The following NBEA variants were observed in gnomAD, a reference collection of about 807,000 sequenced individuals.
NBEA encodes neurobeachin, also known as lysosomal-trafficking regulator 2.
Under a neutral mutation model 343.4 loss-of-function variants are expected in NBEA, and 44 were observed. That is an observed-to-expected ratio of 0.13 (90% CI 0.10 to 0.16). NBEA has a LOEUF of 0.16. Among genes scored for constraint, NBEA ranks in the 10% least tolerant of loss-of-function variants. NBEA has a pLI of 1.00. For synonymous variants in NBEA, 1,175 were observed against 1,238.7 expected (o/e 0.95, Z 1.08); for missense variants, 2,555 against 3,631.3 (o/e 0.70, Z 7.62).
Position 34,990,153 on chromosome 13 carries a change from G to A in NBEA, c.294+47039G>A, listed in dbSNP as rs561983965. The stretch of plus-strand genomic sequence containing the variant: ...CTTTTCTAGGCACATGGTGCAAGCC[G>A]TCAGTGGGTCTACCATTCTGAGTTC... On this transcript the variant is annotated intron_variant, in intron 1 of 58. Coordinates refer to ENST00000379939, the MANE Select transcript of NBEA (RefSeq NM_001385012.1). Among the ~76,000 whole-genome samples, 36 of 151,104 alleles carry A rather than the reference G, an allele frequency of 2.4e-4. 2 individuals are homozygous for A. The highest frequency in any genetic ancestry group is 1.4e-3 in the Admixed American group (21 of 15,164).
chr13:35,487,504 C>G (rs1272909723), intron 41 of NBEA, among the ~76,000 whole-genome samples: 1 of 151,818 alleles, frequency 6.6e-6, no homozygotes, highest in Non-Finnish European at 1.5e-5. Flanking sequence ...CAATGTAACC[C>G]TCTTCATAAC....
At chr13:35,554,873 A>T in intron 43 of NBEA, 114 bp from the exon 44 acceptor site, 1 of 489,142 alleles carries the variant, frequency 2.0e-6, no homozygotes, top group Non-Finnish European at 3.6e-6. Context: ...TCTAAGAAGG[A>T]TAAACCATAA....
intron 1 of NBEA, among the ~76,000 whole-genome samples, chr13:34,971,779 A>G (rs910750547): frequency 3.3e-5 from 5 of 150,492 alleles, no homozygotes; most frequent in African/African-American, 1.2e-4. Context: ...GGATTTTTGC[A>G]TCGATATTCA....
chr13:35,336,563 C>A (rs926915924), intron 36 of NBEA, among the ~76,000 whole-genome samples: 1 of 150,574 alleles, frequency 6.6e-6, no homozygotes, highest in Non-Finnish European at 1.5e-5. Flanking sequence ...ACCATTAAGA[C>A]ACATGCATGC....
chr13:35,408,416 T>C (rs953829824), intron 38 of NBEA, among the ~76,000 whole-genome samples: 2 of 152,096 alleles, frequency 1.3e-5, no homozygotes, highest in African/African-American at 4.8e-5. Context: ...CCTTGGAAGA[T>C]AGCCTAGGCA....
intron 30 of NBEA, among the ~76,000 whole-genome samples, chr13:35,187,322 T>C (rs2071789263): frequency 6.6e-6 from 1 of 151,876 alleles, no homozygotes; most frequent in Non-Finnish European, 1.5e-5. Flanking sequence ...TAGTTCAGAC[T>C]CAAATCCCTT....
At chr13:35,046,848 T>G (rs2062875129) in intron 4 of NBEA, among the ~76,000 whole-genome samples, 1 of 152,100 alleles carries the variant, frequency 6.6e-6, no homozygotes, top group Admixed American at 6.5e-5. Flanking sequence ...TAGTGGTACC[T>G]CATCATAGTT....
At chr13:34,987,570 A>C (rs866368096) in intron 1 of NBEA, among the ~76,000 whole-genome samples, 1 of 150,868 alleles carries the variant, frequency 6.6e-6, no homozygotes, top group Non-Finnish European at 1.5e-5. Context: ...GTTCTCCTGG[A>C]TAAGATCCTG....
At chr13:35,250,267 A>C (rs1421289418) in intron 34 of NBEA, among the ~76,000 whole-genome samples, 1 of 152,220 alleles carries the variant, frequency 6.6e-6, no homozygotes, top group African/African-American at 2.4e-5. Flanking sequence ...GGAAAGGTAT[A>C]TGTCTAACAA....
chr13:35,435,155 C>T (rs868032667), intron 39 of NBEA, among the ~76,000 whole-genome samples: 4 of 151,926 alleles, frequency 2.6e-5, no homozygotes, highest in African/African-American at 7.3e-5. Flanking sequence ...GGATTACAGG[C>T]GCCTGCCACC....
chr13:35,171,684 G>A (rs1019101923), intron 26 of NBEA, among the ~76,000 whole-genome samples: 1 of 151,996 alleles, frequency 6.6e-6, no homozygotes, highest in Non-Finnish European at 1.5e-5. Flanking sequence ...TTCATAGTTT[G>A]AAATCAAGAG....
intron 48 of NBEA, among the ~76,000 whole-genome samples, chr13:35,618,624 A>C (rs938988365): frequency 6.6e-6 from 1 of 152,214 alleles, no homozygotes; most frequent in African/African-American, 2.4e-5. Context: ...AAGGTCATTA[A>C]GTTTATACGT....
At chr13:35,120,944 C>A (rs1230129678) in intron 16 of NBEA, among the ~76,000 whole-genome samples, 3 of 152,094 alleles carry the variant, frequency 2.0e-5, no homozygotes, top group Middle Eastern at 3.2e-3. Flanking sequence ...TGGACCTAGA[C>A]ATTTTCATGT....
At chr13:35,639,855 G>C (rs1030629709) in intron 49 of NBEA, among the ~76,000 whole-genome samples, 1 of 150,986 alleles carries the variant, frequency 6.6e-6, no homozygotes, top group African/African-American at 2.4e-5. Flanking sequence ...GGATGAATAG[G>C]TCATTTGAGA....
At chr13:35,377,500 A>T (rs537594213) in intron 38 of NBEA, among the ~76,000 whole-genome samples, 1 of 152,298 alleles carries the variant, frequency 6.6e-6, no homozygotes, top group African/African-American at 2.4e-5. Context: ...TCTCCCAAAT[A>T]CTTAATGCTT....
Position 35,110,879 on chromosome 13 carries a change from C to T in NBEA, c.1903C>T (p.Arg635Cys), listed in dbSNP as rs779319414. 3.7e-6 allele frequency: 6 copies of T among 1,611,836 alleles called. No homozygotes were observed. Among genetic ancestry groups the T allele is most frequent in the South Asian group, 1.1e-5 (1 of 91,030 alleles). The change falls in exon 13 of 59, where the codon CGC becomes TGC. Residue 635 changes from arginine to cysteine, a missense_variant. Physicochemically the swap from Arg to Cys is radical, Grantham distance 180. This residue lies in a region of NBEA where 360 missense variants were observed against 519.1 expected (regional missense o/e 0.69). Coordinates refer to ENST00000379939, the MANE Select transcript of NBEA (RefSeq NM_001385012.1). ...AACTGCTACCATCTACACCACCATA[C>T]GCAGAGTAGGAACAGTATTACAGCT... is the stretch of plus-strand genomic sequence containing the variant. ...IGTATIYTTI[R>C]RVGTVLQLMH...
chr13:34,956,445 A>C (rs1384143143), intron 1 of NBEA, among the ~76,000 whole-genome samples: 1 of 147,646 alleles, frequency 6.8e-6, no homozygotes, highest in African/African-American at 2.5e-5. Flanking sequence ...TGATATGTTC[A>C]AATTCTTGAT....
chr13:35,633,961 A>G (rs2083584746), intron 49 of NBEA, among the ~76,000 whole-genome samples: 1 of 152,178 alleles, frequency 6.6e-6, no homozygotes, highest in East Asian at 1.9e-4. Context: ...AAGATGGCCT[A>G]ATTGCAGCCC....
At chr13:35,151,196 G>C (rs1366159145) in intron 18 of NBEA, among the ~76,000 whole-genome samples, 1 of 150,890 alleles carries the variant, frequency 6.6e-6, no homozygotes, top group African/African-American at 2.4e-5. Flanking sequence ...ATGTTATAGT[G>C]ACCTTTGAAA....
Sources: gnomAD v4.1 joint callset for allele counts (sites outside exome capture counted in the v4.1 genomes callset) on GRCh38, gnomAD v4.1.1 for gene constraint, gnomAD v4.1.1 regional missense constraint, MANE v1.5 for transcripts, NCBI Gene and HGNC (gene_info 2026-07-23, HGNC 2026-07-21) for gene names.